Variants in FAM184B observed in about 807,000 individuals in gnomAD.
FAM184B encodes protein FAM184B.
In FAM184B, 111 loss-of-function variants were observed where a neutral mutation model predicts 135.9. The ratio of observed to expected loss-of-function variants is 0.82; its 90% CI spans 0.70 to 0.96. The LOEUF (loss-of-function observed/expected upper bound fraction) is 0.96, where lower values mean the gene tolerates loss of function less well. Ranked by LOEUF, FAM184B falls within the 40% of genes least tolerant of loss-of-function variation. FAM184B has a pLI of 0.00. For synonymous variants in FAM184B, 552 were observed against 524.8 expected (o/e 1.05, Z -0.71); for missense variants, 1,375 against 1,323.9 (o/e 1.04, Z -0.60).
In FAM184B at chr4:17,781,088, C is replaced by G. The variant is rs568745758; in HGVS notation, c.141+71G>C. 77 of 1,427,236 alleles carry G rather than the reference C, an allele frequency of 5.4e-5. No individual in the cohort carries two copies. In the African/African-American group the frequency reaches 9.6e-4, roughly 18 times the overall value. 88.4% of individuals were successfully genotyped at this position (1,427,236 alleles called of 1,614,324 possible). ...GATTTGGCCCGGGCCTCCCGGGAGGCGCATCCGCACTGACTCCCGGCTCGG... is the reference window on the plus strand; with the variant it reads ...GATTTGGCCCGGGCCTCCCGGGAGGGGCATCCGCACTGACTCCCGGCTCGG... On this transcript the variant is annotated intron_variant, in intron 1 of 17. Coordinates refer to ENST00000265018, the MANE Select transcript of FAM184B (RefSeq NM_015688.2). This position sits in a 1 kb window ranked among gnomAD's most constrained non-coding sequence, Gnocchi z 6.5.
chr4:17,727,328 G>C (rs566962455), intron 1 of FAM184B, among the ~76,000 whole-genome samples: 2 of 152,308 alleles, frequency 1.3e-5, no homozygotes, highest in East Asian at 3.9e-4. Context: ...GCTGACAAGA[G>C]ACCTGAGTCC....
chr4:17,752,186 C>T (rs1275815568), intron 1 of FAM184B, among the ~76,000 whole-genome samples: 1 of 152,052 alleles, frequency 6.6e-6, no homozygotes, highest in African/African-American at 2.4e-5. Context: ...AACTGAGGGA[C>T]TTAGTGCCAA....
intron 10 of FAM184B, among the ~76,000 whole-genome samples, chr4:17,656,115 C>T (rs866257527): frequency 1.3e-5 from 2 of 152,128 alleles, no homozygotes; most frequent in Middle Eastern, 3.2e-3. Flanking sequence ...GTCCAACCCC[C>T]TAGAGCCCCT....
At chr4:17,653,082 A>G (rs1226962338) in intron 10 of FAM184B, 99 bp from the exon 11 acceptor site, 10 of 1,144,794 alleles carry the variant, frequency 8.7e-6, no homozygotes, top group Non-Finnish European at 1.0e-5. Flanking sequence ...TGCTCTGAAC[A>G]CTCGCACTCT....
chr4:17,680,150 A>G (rs533223109), intron 7 of FAM184B, among the ~76,000 whole-genome samples: 1 of 152,348 alleles, frequency 6.6e-6, no homozygotes, highest in South Asian at 2.1e-4. Context: ...ATATAAGGTA[A>G]CACATATGTT....
At chr4:17,636,790 C>T (rs1245157830) in intron 14 of FAM184B, 145 bp from the exon 15 acceptor site, 3 of 665,168 alleles carry the variant, frequency 4.5e-6, no homozygotes, top group South Asian at 3.9e-5. Context: ...CCCAGGGCCC[C>T]CTGGGGAGAT....
rs116376819 is a variant in FAM184B at position 17,713,743 on chromosome 4, G to A, written c.142-4099C>T. On this transcript the variant is annotated intron_variant, in intron 1 of 17. Transcript: ENST00000265018. ...ACATGGTGCCACACTGCATCTCACC[G>A]TCTCACTCAGTCATTTATTCATTCG... is the stretch of plus-strand genomic sequence containing the variant. 2.4e-3 allele frequency among the ~76,000 whole-genome samples: 367 copies of A among 152,258 alleles called. 1 individual carries two copies. The highest frequency in any genetic ancestry group is 8.0e-3 in the African/African-American group (334 of 41,542).
chr4:17,666,469 C>CTTTGTTTTTT (rs1716051164), intron 7 of FAM184B, among the ~76,000 whole-genome samples: 1 of 57,158 alleles, frequency 1.7e-5, no homozygotes, highest in Non-Finnish European at 2.9e-5. Context: ...GTGCCTGGTT[C>CTTTGTTTTTT]TTTTTTTTTT....
intron 5 of FAM184B, among the ~76,000 whole-genome samples, chr4:17,697,074 T>C (rs2108960429): frequency 6.6e-6 from 1 of 152,148 alleles, no homozygotes; most frequent in South Asian, 2.1e-4. Flanking sequence ...TTACATGAAG[T>C]GGGGAGACTG....
intron 1 of FAM184B, among the ~76,000 whole-genome samples, chr4:17,752,389 A>C (rs1432414591): frequency 6.6e-6 from 1 of 152,104 alleles, no homozygotes; most frequent in African/African-American, 2.4e-5. Flanking sequence ...AGGAGCAGGC[A>C]ATGAAAAGAA....
At chr4:17,717,611 G>T (rs1056592626) in intron 1 of FAM184B, among the ~76,000 whole-genome samples, 2 of 152,156 alleles carry the variant, frequency 1.3e-5, no homozygotes, top group Non-Finnish European at 2.9e-5. Flanking sequence ...GACTTCCTAA[G>T]AGTTTTAGAA....
At chr4:17,768,932 T>C (rs897944757) in intron 1 of FAM184B, among the ~76,000 whole-genome samples, 1 of 152,014 alleles carries the variant, frequency 6.6e-6, no homozygotes, top group African/African-American at 2.4e-5. Context: ...GCCTCCCGAA[T>C]AGCTGAGATT....
At chr4:17,723,815 G>A (rs1289218219) in intron 1 of FAM184B, among the ~76,000 whole-genome samples, 1 of 152,180 alleles carries the variant, frequency 6.6e-6, no homozygotes, top group Non-Finnish European at 1.5e-5. Flanking sequence ...ATTCCCAGAA[G>A]AACTTCATGC....
chr4:17,721,383 C>CAAAAAAAAAAAAAAAAAAAAAAAAA (rs61539641), intron 1 of FAM184B, among the ~76,000 whole-genome samples: 7 of 47,396 alleles, frequency 1.5e-4, no homozygotes, highest in East Asian at 4.5e-4. Flanking sequence ...GATTCTGTCT[C>CAAAAAAAAAAAAAAAAAAAAAAAAA]AAAAAAAAAA....
rs759970927 is a variant in FAM184B, at chr4:17,642,195, G to T, written c.2380C>A (p.Pro794Thr). Residue 794 changes from proline (P) to threonine (T), a missense_variant, in exon 13 of 18, where the codon CCG becomes ACG. By Grantham distance (38) the Pro-to-Thr change is conservative (BLOSUM62 -1). Coordinates refer to ENST00000265018, the MANE Select transcript of FAM184B (RefSeq NM_015688.2). ...RGGPGQAGSPPGAAGQGSGEG... is the reference protein window; with the variant it reads ...RGGPGQAGSPTGAAGQGSGEG... ...CCGGAACCCTGCCCAGCAGCGCCCG[G>T]TGGGGAGCCGGCCTGGCCCGGGCCG... 2.6e-6 allele frequency: 4 copies of T among 1,523,662 alleles called. No individual in the cohort carries two copies. In the South Asian group the frequency reaches 4.8e-5, roughly 18 times the overall value. The allele number at this position is 1,523,662 out of a possible 1,614,324, so 94.4% of individuals were successfully genotyped here.
chr4:17,721,151 G>A (rs939706838), intron 1 of FAM184B, among the ~76,000 whole-genome samples: 64 of 151,604 alleles, frequency 4.2e-4, no homozygotes, highest in African/African-American at 1.4e-3. Flanking sequence ...TTCGGAGGCC[G>A]AGAAGGCGGA....
intron 5 of FAM184B, among the ~76,000 whole-genome samples, chr4:17,695,233 G>T (rs1305388430): frequency 6.6e-6 from 1 of 151,716 alleles, no homozygotes; most frequent in Non-Finnish European, 1.5e-5. Flanking sequence ...CACAATCATG[G>T]CTCACTGCAC....
intron 1 of FAM184B, among the ~76,000 whole-genome samples, chr4:17,776,484 G>A (rs539095600): frequency 3.3e-5 from 5 of 152,174 alleles, no homozygotes; most frequent in Non-Finnish European, 7.3e-5. Flanking sequence ...CGCCTCTCGG[G>A]TTCAAGCGAT....
At chr4:17,641,063 A>G (rs1715295756) in intron 13 of FAM184B, among the ~76,000 whole-genome samples, 1 of 152,162 alleles carries the variant, frequency 6.6e-6, no homozygotes, top group African/African-American at 2.4e-5. Context: ...CCTCCCGAGT[A>G]GCCGGGACTG....
Sources: gnomAD v4.1 joint callset for allele counts (sites outside exome capture counted in the v4.1 genomes callset) on GRCh38, gnomAD v4.1.1 for gene constraint, Gnocchi (gnomAD v3.1) non-coding constraint, MANE v1.5 for transcripts, NCBI Gene and HGNC (gene_info 2026-07-23, HGNC 2026-07-21) for gene names.